The following GLUL variants were observed in gnomAD, a reference collection of about 807,000 sequenced individuals.
The protein encoded by GLUL is glutamine synthetase.
Under a neutral mutation model 36.9 loss-of-function variants are expected in GLUL, and 8 were observed. The ratio of observed to expected loss-of-function variants is 0.22; its 90% confidence interval spans 0.13 to 0.39. The LOEUF (loss-of-function observed/expected upper bound fraction) is 0.39, where lower values mean the gene tolerates loss of function less well. Ranked by LOEUF, GLUL falls within the 10% of genes least tolerant of loss-of-function variation. The pLI, the probability that GLUL is intolerant of heterozygous loss-of-function variation, is 1.00. For missense variants in GLUL, 315 were observed against 501.8 expected (o/e 0.63, Z 3.56); for synonymous variants, 182 against 172.8 (o/e 1.05, Z -0.42).
Position 182,387,147 on chromosome 1 carries a change from G to A in GLUL, c.312C>T (p.Tyr104=), listed in dbSNP as rs376306093. The A allele has an allele frequency of 1.2e-6, 2 of 1,613,636 alleles. No individual in the cohort carries two copies. The highest frequency in any genetic ancestry group is 8.5e-7 in the Non-Finnish European group (1 of 1,179,686). Residue 104 remains tyrosine, a synonymous_variant, in exon 3 of 7, where the codon TAC becomes TAT. Coordinates refer to ENST00000331872, the MANE Select transcript of GLUL (RefSeq NM_001033044.4). ...ATAACACACCTGCAGGCCTTCGATTGTACTTGAAAACTTCACATAACACCA... is the reference window on the plus strand; with the variant it reads ...ATAACACACCTGCAGGCCTTCGATTATACTTGAAAACTTCACATAACACCA... The part of the protein sequence containing the change: ...NKLVLCEVFK[Y]NRRPAETNLR...
At position 182,383,633 on chromosome 1, in the gene GLUL, G is replaced by A. The variant is rs561310107; in HGVS notation, c.*772C>T. 2.6e-5 allele frequency: 4 copies of A among 152,298 alleles called. No homozygotes were observed. The highest frequency in any genetic ancestry group is 3.9e-4 in the East Asian group (2 of 5,184). The allele number at this position is 152,298 out of a possible 1,614,324, so 9.4% of individuals were successfully genotyped here. ...AAATGAGATGCTTTATTTCTAATCC[G>A]ACTATTTGTCTCAAATTTGGTGCCC... On this transcript the variant is annotated 3_prime_UTR_variant, in exon 7 of 7. Coordinates refer to ENST00000331872, the MANE Select transcript of GLUL (RefSeq NM_001033044.4).
rs1008170522 is a variant in GLUL at position 182,379,074 on chromosome 1, G to T, written c.*5331C>A. Among the ~76,000 whole-genome samples, 3 of 151,242 alleles carry T rather than the reference G, an allele frequency of 2.0e-5. No individual in the cohort carries two copies. Among genetic ancestry groups the T allele is most frequent in the African/African-American group, 7.3e-5 (3 of 41,154 alleles). On this transcript the variant is annotated 3_prime_UTR_variant, in exon 7 of 7. Transcript: ENST00000331872. ...TGGGATTACAGGCTTGAGCCACCAT[G>T]CCCGGCCTGAAGTAGAATTTTTTTA... is the stretch of plus-strand genomic sequence containing the variant.
chr1:182,390,659 C>T (rs1650372879), intron 1 of GLUL: 1 of 399,382 alleles, frequency 2.5e-6, no homozygotes, highest in Non-Finnish European at 4.4e-6. Context: ...GCGGCCGGCC[C>T]GGGGGGTGTC....
At chr1:182,386,990 C>G in intron 3 of GLUL, 141 bp downstream of exon 3, 2 of 747,086 alleles carry the variant, frequency 2.7e-6, no homozygotes, top group South Asian at 2.9e-5. Context: ...AGCAGAAGTT[C>G]AGGGAAAAGA....
Position 182,385,822 on chromosome 1 carries a change from G to A in GLUL, c.541C>T (p.Arg181Trp), listed in dbSNP as rs1384002942. ...TTGACTCCAGCATACAAGCAGGCCC[G>A]GTAATGGGCCTCCACGATGTCCCTG... is the stretch of plus-strand genomic sequence containing the variant. ...YGRDIVEAHYRACLYAGVKIA... is the reference protein window; with the variant it reads ...YGRDIVEAHYWACLYAGVKIA... Residue 181 changes from arginine (R) to tryptophan (W), a missense_variant, in exon 5 of 7, where the codon CGG becomes TGG. This residue lies in a region of GLUL where 256 missense variants were observed against 396.1 expected (regional missense o/e 0.65). Coordinates refer to ENST00000331872, the MANE Select transcript of GLUL (RefSeq NM_001033044.4). 6.2e-6 allele frequency: 10 copies of A among 1,612,360 alleles called. No homozygotes were observed. Among genetic ancestry groups the A allele is most frequent in the South Asian group, 1.1e-5 (1 of 91,054 alleles).
rs1017976550 is a variant in GLUL at position 182,383,898 on chromosome 1, C to T, written c.*507G>A. ...CCAGGCTAGTCCCACAAGCAAGAGA[C>T]CAAAGCCATTCTCTCTGATTCCCAA... On this transcript the variant is annotated 3_prime_UTR_variant, in exon 7 of 7. Coordinates refer to ENST00000331872, the MANE Select transcript of GLUL (RefSeq NM_001033044.4). The T allele has an allele frequency of 5.5e-6, 1 of 181,414 alleles. No individual in the cohort carries two copies. Among genetic ancestry groups the T allele is most frequent in the African/African-American group, 2.4e-5 (1 of 42,094 alleles). 11.2% of individuals were successfully genotyped at this position (181,414 alleles called of 1,614,324 possible).
chr1:182,391,283 T>C (rs1214744647), intron 1 of GLUL: 12 of 398,546 alleles, frequency 3.0e-5, no homozygotes, highest in Non-Finnish European at 3.5e-5. Flanking sequence ...ACCAAGCGCC[T>C]TGTTTGCGCT....
In GLUL at chr1:182,384,303, T is replaced by TA. The variant is rs202163570; in HGVS notation, c.*101dup. The TA allele has an allele frequency of 1.6e-4, 136 of 839,046 alleles. No homozygotes were observed. In the East Asian group the frequency reaches 3.6e-3, roughly 22 times the overall value. 52.0% of individuals were successfully genotyped at this position (839,046 alleles called of 1,614,324 possible). Reference sequence around the variant, plus strand: ...CATGGAATGAAAAAAACGACCTTGATATTCCACCCTTTGAGTTACAATCGG... The same window carrying TA: ...CATGGAATGAAAAAAACGACCTTGATAATTCCACCCTTTGAGTTACAATCGG... On this transcript the variant is annotated 3_prime_UTR_variant, in exon 7 of 7. Transcript: ENST00000331872.
Position 182,384,745 on chromosome 1 carries a change from GCAGTCCAACCTTGT to G in GLUL, c.804-36_804-23del, listed in dbSNP as rs769452779. ...GTACCTAGAGTAAACAGAAAAGATG[GCAGTCCAACCTTGT>G]CTCCAGGTATGGAGCCAAGAATGAA... On this transcript the variant is annotated intron_variant, in intron 6 of 6. Transcript: ENST00000331872. 2.5e-4 allele frequency: 397 copies of G among 1,591,654 alleles called. 2 individuals are homozygous for G. Among genetic ancestry groups the G allele is most frequent in the Middle Eastern group, 1.3e-3 (8 of 6,054 alleles).
intron 1 of GLUL, chr1:182,390,782 G>A (rs1650379228): frequency 2.5e-6 from 1 of 399,060 alleles, no homozygotes; most frequent in African/African-American, 2.1e-5. Context: ...GGAGGAGTCT[G>A]ACTTCTCGTT....
Position 182,385,712 on chromosome 1 carries a change from T to G in GLUL, c.603+48A>C, listed in dbSNP as rs757949922. 22 of 1,611,004 alleles carry G rather than the reference T, an allele frequency of 1.4e-5. No individual in the cohort carries two copies. The African/African-American group carries it at 2.9e-4, about 22-fold the overall frequency. On this transcript the variant is annotated intron_variant, in intron 5 of 6. Transcript: ENST00000331872. ...GCAGCCCTTACTAGCAAAAGTCCTA[T>G]GTACACCTACCTACCCTTCTTCATT...
Position 182,386,344 on chromosome 1 carries a change from G to A in GLUL, c.387C>T (p.Pro129=). The change falls in exon 4 of 7, where the codon CCC becomes CCT. Residue 129 remains proline, a synonymous_variant. Coordinates refer to ENST00000331872, the MANE Select transcript of GLUL (RefSeq NM_001033044.4). ...RIMDMVSNQH[P]WFGMEQEYTL... is the part of the protein sequence containing the mutation. Reference sequence around the variant, plus strand: ...TATACTCCTGCTCCATGCCAAACCAGGGGTGCTGGTTGCTCACCATGTCCA... The same window carrying A: ...TATACTCCTGCTCCATGCCAAACCAAGGGTGCTGGTTGCTCACCATGTCCA... 3 of 1,612,750 alleles carry A rather than the reference G, an allele frequency of 1.9e-6. No homozygotes were observed.
At chr1:182,385,709 C>G in intron 5 of GLUL, 51 bp downstream of exon 5, 1 of 1,609,326 alleles carries the variant, frequency 6.2e-7, no homozygotes, top group Non-Finnish European at 8.5e-7. Flanking sequence ...AGCAAAAGTC[C>G]TATGTACACC....
chr1:182,385,672 G>C, intron 5 of GLUL, 88 bp downstream of exon 5: 2 of 1,566,264 alleles, frequency 1.3e-6, no homozygotes, highest in South Asian at 1.1e-5. Context: ...TTTTGGGTTA[G>C]TGAGTGGTGT....
At chr1:182,384,849 C>A in intron 6 of GLUL, 126 bp from the exon 7 acceptor site, 1 of 749,294 alleles carries the variant, frequency 1.3e-6, no homozygotes, top group East Asian at 2.5e-5. Context: ...ATCTTCTTAC[C>A]TGTGTGTCTC....
At chr1:182,391,399 A>C (rs1650411713) in intron 1 of GLUL, 1 of 395,424 alleles carries the variant, frequency 2.5e-6, no homozygotes, top group African/African-American at 2.1e-5. Context: ...TTCGGCCGCA[A>C]GTAGTGAAAA....
Position 182,381,822 on chromosome 1 carries a change from A to C in GLUL, c.*2583T>G, listed in dbSNP as rs1038582398. The C allele has an allele frequency of 6.6e-5, 10 of 152,268 alleles. No individual in the cohort carries two copies. The highest frequency in any genetic ancestry group is 4.6e-4 in the Admixed American group (7 of 15,282). 9.4% of individuals were successfully genotyped at this position (152,268 alleles called of 1,614,324 possible). A position where few individuals can be genotyped will look rare whatever the true frequency, so the allele number is the denominator to read the frequency against. Reference sequence around the variant, plus strand: ...GTTGGGGGGGTGGAAGCACAGATTCAATGGAAATAAGGGTATACATCATTT... The same window carrying C: ...GTTGGGGGGGTGGAAGCACAGATTCCATGGAAATAAGGGTATACATCATTT... On this transcript the variant is annotated 3_prime_UTR_variant, in exon 7 of 7. Coordinates refer to ENST00000331872, the MANE Select transcript of GLUL (RefSeq NM_001033044.4).
rs1649908641 is a variant in GLUL at position 182,380,992 on chromosome 1, G to T, written c.*3413C>A. On this transcript the variant is annotated 3_prime_UTR_variant, in exon 7 of 7. Coordinates refer to ENST00000331872, the MANE Select transcript of GLUL (RefSeq NM_001033044.4). ...AGGCCGGGTGCAGTGGCTCACGCCT[G>T]TAATCCCAGCACTTTGGGAGGTGGA... Among the ~76,000 whole-genome samples, 1 of 152,354 alleles carries T rather than the reference G, an allele frequency of 6.6e-6. No individual in the cohort carries two copies. Among genetic ancestry groups the T allele is most frequent in the East Asian group, 1.9e-4 (1 of 5,178 alleles).
chr1:182,387,264 A>G lies in GLUL; in HGVS notation c.195T>C (p.Ser65=), dbSNP rs1058111. Residue 65 remains serine (S), a synonymous_variant, in exon 3 of 7, where the codon TCT becomes TCC. Transcript: ENST00000331872. ...EELPEWNFDG[S]STLQSEGSNS... ...TGGAACCCTCAGACTGTAAAGTACT[A>G]GAGCCATCGAAATTCCACTCAGGCA... The G allele has an allele frequency of 0.53, 857,477 of 1,611,116 alleles. 233,589 individuals carry two copies. Among genetic ancestry groups the G allele is most frequent in the East Asian group, 0.8 (35,966 of 44,860 alleles).
Sources: gnomAD v4.1 joint callset for allele counts (sites outside exome capture counted in the v4.1 genomes callset) on GRCh38, gnomAD v4.1.1 for gene constraint, gnomAD v4.1.1 regional missense constraint, MANE v1.5 for transcripts, NCBI Gene and HGNC (gene_info 2026-07-23, HGNC 2026-07-21) for gene names.